Variants in ROCK2 observed in about 807,000 individuals in gnomAD.
ROCK2 encodes Rho associated coiled-coil containing protein kinase 2.
Under a neutral mutation model 195.1 loss-of-function variants are expected in ROCK2, and 61 were observed. The observed-to-expected ratio is 0.31, with a 90% CI of 0.25 to 0.39. ROCK2 has a LOEUF of 0.39. ROCK2 is among the 10% of genes least tolerant of loss of function. The pLI, the probability that ROCK2 is intolerant of heterozygous loss-of-function variation, is 1.00. For missense variants in ROCK2, 1,109 were observed against 1,637.4 expected (o/e 0.68, Z 5.57); for synonymous variants, 504 against 545.5 (o/e 0.92, Z 1.06).
chr2:11,300,588 C>A (rs375054434), intron 1 of ROCK2, among the ~76,000 whole-genome samples: 1 of 152,102 alleles, frequency 6.6e-6, no homozygotes, highest in East Asian at 1.9e-4. Flanking sequence ...AAAAGAAATA[C>A]AAAATTACTC....
intron 1 of ROCK2, among the ~76,000 whole-genome samples, chr2:11,297,596 A>C (rs1667576543): frequency 6.6e-6 from 1 of 152,072 alleles, no homozygotes; most frequent in African/African-American, 2.4e-5. Flanking sequence ...AACAGGGATT[A>C]ATAGGTTAAT....
chr2:11,262,823 T>C (rs1392576569), intron 3 of ROCK2, among the ~76,000 whole-genome samples: 2 of 152,228 alleles, frequency 1.3e-5, no homozygotes, highest in East Asian at 1.9e-4. Flanking sequence ...CAAACACTTA[T>C]GGACAAAAAC....
At chr2:11,286,102 A>AT (rs1190087772) in intron 3 of ROCK2, among the ~76,000 whole-genome samples, 1 of 150,424 alleles carries the variant, frequency 6.6e-6, no homozygotes, top group Non-Finnish European at 1.5e-5. Flanking sequence ...TATAAAGGTA[A>AT]TAGTTATTGT....
intron 1 of ROCK2, among the ~76,000 whole-genome samples, chr2:11,303,867 A>G (rs1667777996): frequency 6.6e-6 from 1 of 152,070 alleles, no homozygotes; most frequent in South Asian, 2.1e-4. Flanking sequence ...ATCTTACTTG[A>G]CCTATAAACA....
intron 3 of ROCK2, among the ~76,000 whole-genome samples, chr2:11,270,307 C>T (rs1666581850): frequency 6.6e-6 from 1 of 152,010 alleles, no homozygotes. Context: ...GCTTGGTTTT[C>T]TATAGTTTGA....
intron 3 of ROCK2, among the ~76,000 whole-genome samples, chr2:11,263,681 A>AC (rs1666315837): frequency 1.3e-5 from 2 of 151,036 alleles, no homozygotes; most frequent in Non-Finnish European, 3.0e-5. Flanking sequence ...ACAAAAAAAA[A>AC]CAAAGAGCAT....
At chr2:11,195,367 AC>A (rs888220660) in intron 27 of ROCK2, among the ~76,000 whole-genome samples, 14 of 151,130 alleles carry the variant, frequency 9.3e-5, no homozygotes, top group African/African-American at 2.9e-4. Context: ...TCACTGGTAC[AC>A]CTGCCTTAGA....
chr2:11,319,544 A>G (rs1179967269), intron 1 of ROCK2, among the ~76,000 whole-genome samples: 3 of 152,208 alleles, frequency 2.0e-5, no homozygotes, highest in Admixed American at 2.0e-4. Context: ...TGTCATCTGC[A>G]GACAGGGACA....
intron 1 of ROCK2, among the ~76,000 whole-genome samples, chr2:11,338,853 A>G (rs1322732002): frequency 6.6e-6 from 1 of 152,046 alleles, no homozygotes; most frequent in Non-Finnish European, 1.5e-5. Context: ...ACAGAAAAGT[A>G]TATACTATAT....
At chr2:11,240,895 A>G (rs772593309) in intron 4 of ROCK2, among the ~76,000 whole-genome samples, 2 of 152,236 alleles carry the variant, frequency 1.3e-5, no homozygotes, top group Non-Finnish European at 2.9e-5. Context: ...TGCATGTTAA[A>G]ATGGTAAACA....
At position 11,277,279 on chromosome 2, in the gene ROCK2, G is replaced by A. The variant is rs13431906; in HGVS notation, c.324+9260C>T. On this transcript the variant is annotated intron_variant, in intron 3 of 32. Coordinates refer to ENST00000315872, the MANE Select transcript of ROCK2 (RefSeq NM_004850.5). ...AATAGGTTCACTGCCCCACAAATCCGCTGTGCTCCACCCATTCACCCCTTC... is the reference window on the plus strand; with the variant it reads ...AATAGGTTCACTGCCCCACAAATCCACTGTGCTCCACCCATTCACCCCTTC... 8.6e-3 allele frequency among the ~76,000 whole-genome samples: 1,309 copies of A among 152,168 alleles called. 20 individuals are homozygous for A. The highest frequency in any genetic ancestry group is 0.03 in the African/African-American group (1,242 of 41,502).
intron 3 of ROCK2, among the ~76,000 whole-genome samples, chr2:11,269,793 C>T (rs1666560928): frequency 1.3e-5 from 2 of 152,180 alleles, no homozygotes; most frequent in African/African-American, 4.8e-5. Context: ...CTCTGTCACC[C>T]AGGCTGGAGT....
intron 32 of ROCK2, among the ~76,000 whole-genome samples, chr2:11,190,069 C>T (rs552755809): frequency 1.3e-5 from 2 of 152,098 alleles, no homozygotes; most frequent in East Asian, 3.9e-4. Context: ...GCTAGGAGTA[C>T]ATGAAACAAT....
chr2:11,215,242 GC>G, intron 15 of ROCK2, 78 bp downstream of exon 15: 1 of 1,412,146 alleles, frequency 7.1e-7, no homozygotes. Flanking sequence ...AAGGCCTTTT[GC>G]AACACTGTCA....
intron 3 of ROCK2, among the ~76,000 whole-genome samples, chr2:11,266,544 A>G (rs1405444156): frequency 6.6e-6 from 1 of 152,214 alleles, no homozygotes; most frequent in Non-Finnish European, 1.5e-5. Context: ...GTGGTAATGC[A>G]TTTTTAACTT....
chr2:11,249,681 T>C lies in ROCK2; in HGVS notation c.442A>G (p.Asn148Asp). Reference sequence around the variant, plus strand: ...CTTACCTGAACCACCCAGGGGCTATTGGCAAAGGCCATAATATCTCTTTCT... The same window carrying C: ...CTTACCTGAACCACCCAGGGGCTATCGGCAAAGGCCATAATATCTCTTTCT... ...WEERDIMAFA[N>D]SPWVVQLFYA... Residue 148 changes from asparagine (N) to aspartate (D), a missense_variant, in exon 4 of 33, where the codon AAT (asparagine) becomes GAT (aspartate). Asn to Asp is a conservative substitution (Grantham distance 23, BLOSUM62 1). This residue lies in a region of ROCK2 where 253 missense variants were observed against 455.5 expected (regional missense o/e 0.56). Coordinates refer to ENST00000315872, the MANE Select transcript of ROCK2 (RefSeq NM_004850.5). 2 of 1,557,012 alleles carry C rather than the reference T, an allele frequency of 1.3e-6. No individual in the cohort carries two copies. Among genetic ancestry groups the C allele is most frequent in the Non-Finnish European group, 1.7e-6 (2 of 1,156,080 alleles).
chr2:11,301,474 T>C (rs773794401), intron 1 of ROCK2, among the ~76,000 whole-genome samples: 11 of 152,062 alleles, frequency 7.2e-5, no homozygotes, highest in Non-Finnish European at 1.2e-4. Flanking sequence ...AGGCATCTTC[T>C]CATTCAAATC....
intron 3 of ROCK2, among the ~76,000 whole-genome samples, chr2:11,268,855 TTTTG>T (rs1320032337): frequency 2.0e-5 from 3 of 152,152 alleles, no homozygotes; most frequent in South Asian, 2.1e-4. Context: ...CATTCAAATA[TTTTG>T]TCTCTTTCTT....
At chr2:11,262,162 A>G (rs1172509855) in intron 3 of ROCK2, among the ~76,000 whole-genome samples, 1 of 152,228 alleles carries the variant, frequency 6.6e-6, no homozygotes, top group Non-Finnish European at 1.5e-5. Flanking sequence ...TTCTCTTTGT[A>G]TAGAAAAGAT....
Sources: gnomAD v4.1 joint callset for allele counts (sites outside exome capture counted in the v4.1 genomes callset) on GRCh38, gnomAD v4.1.1 for gene constraint, gnomAD v4.1.1 regional missense constraint, MANE v1.5 for transcripts, NCBI Gene and HGNC (gene_info 2026-07-23, HGNC 2026-07-21) for gene names.